PLA2G4A: variants seen among roughly 807,000 people sequenced by gnomAD.
PLA2G4A encodes cytosolic phospholipase A2.
PLA2G4A carries 40 observed loss-of-function variants against 81.9 expected under a neutral mutation model. The ratio of observed to expected loss-of-function variants is 0.49; its 90% CI spans 0.38 to 0.64. PLA2G4A has a LOEUF of 0.64. Among genes scored for constraint, PLA2G4A ranks in the 30% least tolerant of loss-of-function variants. The probability of loss-of-function intolerance (pLI) is 0.00; values close to 1 mark genes in which losing one functional copy is unlikely to be tolerated. For missense variants in PLA2G4A, 715 were observed against 905.1 expected, an observed-to-expected ratio of 0.79 and a Z score of 2.69; for synonymous variants, 302 against 296.9, an observed-to-expected ratio of 1.02 and a Z score of -0.18.
intron 3 of PLA2G4A, among the ~76,000 whole-genome samples, chr1:186,892,537 T>C (rs1478099871): frequency 6.6e-6 from 1 of 152,236 alleles, no homozygotes; most frequent in African/African-American, 2.4e-5. Context: ...CCCAGCACCA[T>C]TTATTGAAGA....
At position 186,914,270 on chromosome 1, in the gene PLA2G4A, G is replaced by GTT. The variant is rs11371525; in HGVS notation, c.558+2887_558+2888dup. Among the ~76,000 whole-genome samples, 99 of 151,586 alleles carry GTT rather than the reference G, an allele frequency of 6.5e-4. 1 individual carries two copies. Among genetic ancestry groups the GTT allele is most frequent in the Non-Finnish European group, 1.1e-3 (74 of 67,966 alleles). ...ACACCCAGAAAATTTATATATATATGTTTTTTTCTTTCTAGAGATGGGGAT... is the reference window on the plus strand; with the variant it reads ...ACACCCAGAAAATTTATATATATATGTTTTTTTTTCTTTCTAGAGATGGGGAT... On this transcript the variant is annotated intron_variant, in intron 7 of 17. Transcript: ENST00000367466.
At chr1:186,961,126 A>G (rs541121438) in intron 14 of PLA2G4A, among the ~76,000 whole-genome samples, 1 of 151,492 alleles carries the variant, frequency 6.6e-6, no homozygotes, top group African/African-American at 2.4e-5. Flanking sequence ...AATCTAAAAA[A>G]GTTGAACTCA....
intron 5 of PLA2G4A, among the ~76,000 whole-genome samples, chr1:186,903,853 C>T (rs34796725): frequency 0.11 from 16,312 of 152,146 alleles, 982 homozygotes; most frequent in Middle Eastern, 0.19. Flanking sequence ...AATCACAAAA[C>T]CATCCCTGCT....
chr1:186,843,574 A>T (rs566873692), intron 1 of PLA2G4A, among the ~76,000 whole-genome samples: 1 of 152,232 alleles, frequency 6.6e-6, no homozygotes, highest in African/African-American at 2.4e-5. Context: ...CAATATTGTG[A>T]TAAGAGATTT....
chr1:186,941,112 C>CAAAA (rs61665159), intron 10 of PLA2G4A, among the ~76,000 whole-genome samples: 5 of 107,584 alleles, frequency 4.6e-5, no homozygotes, highest in Admixed American at 9.5e-5. Context: ...GACTCCGTCT[C>CAAAA]AAAAAAAAAA....
chr1:186,908,860 A>G (rs900292970), intron 6 of PLA2G4A, among the ~76,000 whole-genome samples: 1 of 151,870 alleles, frequency 6.6e-6, no homozygotes, highest in African/African-American at 2.4e-5. Context: ...TGGAATGATG[A>G]AGATTAAATT....
intron 2 of PLA2G4A, among the ~76,000 whole-genome samples, chr1:186,856,320 G>A (rs1024372749): frequency 1.3e-5 from 2 of 150,388 alleles, no homozygotes; most frequent in Non-Finnish European, 3.0e-5. Flanking sequence ...TATTTTATAT[G>A]TATTTTTTGA....
intron 7 of PLA2G4A, among the ~76,000 whole-genome samples, chr1:186,918,110 C>G (rs1011716943): frequency 6.6e-6 from 1 of 152,146 alleles, no homozygotes; most frequent in Non-Finnish European, 1.5e-5. Context: ...AAGTCTTTTT[C>G]TTCCTTAGAA....
At chr1:186,873,280 G>A (rs545169933) in intron 3 of PLA2G4A, among the ~76,000 whole-genome samples, 1 of 152,154 alleles carries the variant, frequency 6.6e-6, no homozygotes, top group East Asian at 1.9e-4. Flanking sequence ...TGGAGAGCTT[G>A]ATCTATACAA....
intron 4 of PLA2G4A, 48 bp downstream of exon 4, chr1:186,893,207 G>A: frequency 6.6e-7 from 1 of 1,506,992 alleles, no homozygotes; most frequent in Non-Finnish European, 9.2e-7. Flanking sequence ...TTCATGTTGA[G>A]AGACATGCTT....
At chr1:186,973,822 G>T (rs1657440858) in intron 15 of PLA2G4A, among the ~76,000 whole-genome samples, 1 of 152,074 alleles carries the variant, frequency 6.6e-6, no homozygotes, top group Non-Finnish European at 1.5e-5. Context: ...CTAACTTGTA[G>T]TTTCTATCTG....
In PLA2G4A at chr1:186,973,091, G is replaced by A. The variant is rs549274840; in HGVS notation, c.1765-4502G>A. Reference sequence around the variant, plus strand: ...TGTAGTACTTCCAGTTTTATCTCTTGTACTAGTTTCCTGGAACTTCTGTAA... The same window carrying A: ...TGTAGTACTTCCAGTTTTATCTCTTATACTAGTTTCCTGGAACTTCTGTAA... On this transcript the variant is annotated intron_variant, in intron 15 of 17. Coordinates refer to ENST00000367466, the MANE Select transcript of PLA2G4A (RefSeq NM_024420.3). Among the ~76,000 whole-genome samples the A allele has an allele frequency of 7.8e-4, 118 of 152,250 alleles. 1 individual carries two copies. Among genetic ancestry groups the A allele is most frequent in the African/African-American group, 2.7e-3 (113 of 41,542 alleles).
intron 3 of PLA2G4A, among the ~76,000 whole-genome samples, chr1:186,885,711 A>C (rs1381019825): frequency 1.3e-5 from 2 of 152,164 alleles, no homozygotes; most frequent in Non-Finnish European, 2.9e-5. Flanking sequence ...AGGAAACCAG[A>C]TATATACAAA....
In PLA2G4A at chr1:186,830,947, TTG is replaced by T. The variant is rs56877271; in HGVS notation, c.-70+1913_-70+1914del. On this transcript the variant is annotated intron_variant, in intron 1 of 17. Coordinates refer to ENST00000367466, the MANE Select transcript of PLA2G4A (RefSeq NM_024420.3). ...GCTCCAGATTGTATAGCTTGCTTGC[TTG>T]CTTGCTTGCTTTCTTTCTTTCTTTC... 4.9e-3 allele frequency among the ~76,000 whole-genome samples: 219 copies of T among 44,540 alleles called. 4 individuals carry two copies. The highest frequency in any genetic ancestry group is 0.013 in the African/African-American group (161 of 12,350). The allele number at this position is 44,540 out of a possible 152,430, so 29.2% of individuals were successfully genotyped here.
At chr1:186,888,670 C>A (rs1244307155) in intron 3 of PLA2G4A, among the ~76,000 whole-genome samples, 1 of 152,090 alleles carries the variant, frequency 6.6e-6, no homozygotes, top group East Asian at 1.9e-4. Flanking sequence ...TGTTTGGCTC[C>A]CTATCAAGGC....
At chr1:186,904,495 C>T (rs1176052276) in intron 5 of PLA2G4A, among the ~76,000 whole-genome samples, 1 of 152,228 alleles carries the variant, frequency 6.6e-6, no homozygotes, top group African/African-American at 2.4e-5. Context: ...TCAAGCTTAT[C>T]ATGCATAGCA....
At chr1:186,844,835 G>A (rs955882836) in intron 1 of PLA2G4A, among the ~76,000 whole-genome samples, 5 of 152,170 alleles carry the variant, frequency 3.3e-5, no homozygotes, top group Non-Finnish European at 5.9e-5. Context: ...GTTTATAAAA[G>A]GTGCTCAATA....
At chr1:186,904,167 C>T (rs1018974725) in intron 5 of PLA2G4A, among the ~76,000 whole-genome samples, 1 of 152,162 alleles carries the variant, frequency 6.6e-6, no homozygotes, top group Non-Finnish European at 1.5e-5. Flanking sequence ...TTGCTTTCCG[C>T]TGGGGAATTT....
At chr1:186,891,766 T>G (rs974537729) in intron 3 of PLA2G4A, among the ~76,000 whole-genome samples, 2 of 152,168 alleles carry the variant, frequency 1.3e-5, no homozygotes, top group African/African-American at 2.4e-5. Flanking sequence ...AACACAGGAG[T>G]ACAGATATCT....
Sources: allele counts gnomAD v4.1 joint callset (sites outside exome capture counted in the v4.1 genomes callset), GRCh38; gene constraint gnomAD v4.1.1; transcripts MANE v1.5; gene names NCBI Gene and HGNC (gene_info 2026-07-23, HGNC 2026-07-21).